The following HDLBP variants were observed in gnomAD, a reference collection of about 807,000 sequenced individuals.
HDLBP encodes high density lipoprotein binding protein.
HDLBP carries 30 observed loss-of-function variants against 137.3 expected under a neutral mutation model. The ratio of observed to expected loss-of-function variants is 0.22; its 90% CI spans 0.16 to 0.30. HDLBP has a LOEUF of 0.30. Ranked by LOEUF, HDLBP falls within the 10% of genes least tolerant of loss-of-function variation. The probability of loss-of-function intolerance (pLI) is 1.00; values close to 1 mark genes in which losing one functional copy is unlikely to be tolerated. For synonymous variants in HDLBP, 606 were observed against 596.0 expected, an observed-to-expected ratio of 1.02 and a Z score of -0.24; for missense variants, 1,119 against 1,667.3, an observed-to-expected ratio of 0.67 and a Z score of 5.73.
At position 241,240,929 on chromosome 2, in the gene HDLBP, A is replaced by G. The variant is rs1177112513; in HGVS notation, c.2170-807T>C. 1.3e-5 allele frequency among the ~76,000 whole-genome samples: 2 copies of G among 152,128 alleles called. No individual in the cohort carries two copies. The highest frequency in any genetic ancestry group is 2.9e-5 in the Non-Finnish European group (2 of 68,012). On this transcript the variant is annotated intron_variant, in intron 17 of 27. Transcript: ENST00000310931. This position sits in a 1 kb window ranked among gnomAD's most constrained non-coding sequence, Gnocchi z 5.5. ...GCCCGCAAGCAAAAATACCAAAGAA[A>G]AACATGCTAGCACAAAAATATTAAA... is the stretch of plus-strand genomic sequence containing the variant.
In HDLBP at chr2:241,276,627, A is replaced by AG. The variant is rs1417805521; in HGVS notation, c.-102-8087dup. Among the ~76,000 whole-genome samples, 11 of 152,322 alleles carry AG rather than the reference A, an allele frequency of 7.2e-5. No homozygotes were observed. The East Asian group carries it at 2.1e-3, about 29-fold the overall frequency. ...TAGGCTGAAATAAAGAGATGGAAGA[A>AG]GTACTCCGAGCAAATACTAACCATA... On this transcript the variant is annotated intron_variant, in intron 1 of 27. Coordinates refer to ENST00000310931, the MANE Select transcript of HDLBP (RefSeq NM_005336.6).
intron 11 of HDLBP, chr2:241,250,950 G>T (rs2072094455): frequency 6.6e-6 from 1 of 152,142 alleles, no homozygotes; most frequent in Non-Finnish European, 1.5e-5. Context: ...ATTAATGTTA[G>T]ATTTACACTA....
At chr2:241,287,901 A>G (rs371664342) in intron 1 of HDLBP, among the ~76,000 whole-genome samples, 5 of 152,370 alleles carry the variant, frequency 3.3e-5, no homozygotes, top group African/African-American at 1.2e-4. Context: ...ATGGACTTGA[A>G]AAGACAATTC....
Position 241,312,332 on chromosome 2 carries a change from T to C in HDLBP, c.-103+3238A>G, listed in dbSNP as rs190151599. Among the ~76,000 whole-genome samples the C allele has an allele frequency of 9.4e-4, 143 of 152,336 alleles. No homozygotes were observed. The East Asian group carries it at 0.02, about 22-fold the overall frequency. Reference sequence around the variant, plus strand: ...ATTCGAGGAACTTCAGTGTGCTTGGTAAAACAATAGCCTACTAGGGATTTC... The same window carrying C: ...ATTCGAGGAACTTCAGTGTGCTTGGCAAAACAATAGCCTACTAGGGATTTC... On this transcript the variant is annotated intron_variant, in intron 1 of 27. Coordinates refer to ENST00000310931, the MANE Select transcript of HDLBP (RefSeq NM_005336.6).
chr2:241,254,585 C>T (rs373346710), intron 9 of HDLBP, among the ~76,000 whole-genome samples: 34 of 151,490 alleles, frequency 2.2e-4, no homozygotes, highest in African/African-American at 8.0e-4. Context: ...CCCGGGTTCA[C>T]GCCATTCTCC....
intron 5 of HDLBP, among the ~76,000 whole-genome samples, chr2:241,259,153 C>G (rs1479725451): frequency 6.6e-6 from 1 of 152,138 alleles, no homozygotes; most frequent in African/African-American, 2.4e-5. Context: ...AGAAAAATCA[C>G]TACTTACTGA....
intron 5 of HDLBP, among the ~76,000 whole-genome samples, chr2:241,261,762 C>G (rs2073207809): frequency 6.6e-6 from 1 of 152,196 alleles, no homozygotes; most frequent in Non-Finnish European, 1.5e-5. Flanking sequence ...CCGATGCCCC[C>G]ATGTGGTTAA....
chr2:241,264,919 T>C (rs1356026784), intron 3 of HDLBP, among the ~76,000 whole-genome samples: 1 of 152,064 alleles, frequency 6.6e-6, no homozygotes, highest in African/African-American at 2.4e-5. Flanking sequence ...CCTAACGGGG[T>C]GAGTCCCTTG....
chr2:241,236,660 G>GA lies in HDLBP; in HGVS notation c.2858dup (p.Ser954LeufsTer8). The stretch of plus-strand genomic sequence containing the variant: ...CCTCACACTTTTCTTTCCGGCCAGA[G>GA]ATGATGATGATGTCACACCTCCTTG... On this transcript the variant is annotated frameshift_variant, in exon 21 of 28. Coordinates refer to ENST00000310931, the MANE Select transcript of HDLBP (RefSeq NM_005336.6). LOFTEE classifies it high-confidence loss of function. 1 of 1,613,950 alleles carries GA rather than the reference G, an allele frequency of 6.2e-7. No homozygotes were observed. The highest frequency in any genetic ancestry group is 8.5e-7 in the Non-Finnish European group (1 of 1,179,862).
chr2:241,265,027 C>G (rs2073543122), intron 3 of HDLBP, among the ~76,000 whole-genome samples: 1 of 152,216 alleles, frequency 6.6e-6, no homozygotes, highest in Non-Finnish European at 1.5e-5. Context: ...AGAGCAGACC[C>G]CTGCATTTGC....
At chr2:241,229,783 TGCCC>T in intron 27 of HDLBP, 46 bp downstream of exon 27, 2 of 1,524,584 alleles carry the variant, frequency 1.3e-6, no homozygotes, top group Non-Finnish European at 1.8e-6. Context: ...CAAGCCCGCC[TGCCC>T]GCCCACCCTC....
intron 1 of HDLBP, among the ~76,000 whole-genome samples, chr2:241,304,835 G>A (rs1436101448): frequency 1.3e-5 from 2 of 152,164 alleles, no homozygotes; most frequent in African/African-American, 2.4e-5. Context: ...CTGTCAAGAT[G>A]GAATGTTTAA....
intron 1 of HDLBP, among the ~76,000 whole-genome samples, chr2:241,300,171 C>A (rs1430797613): frequency 6.6e-5 from 10 of 152,116 alleles, no homozygotes; most frequent in Non-Finnish European, 1.5e-4. Context: ...AGCAGCACAT[C>A]CCAAACAACT....
intron 1 of HDLBP, among the ~76,000 whole-genome samples, chr2:241,313,354 A>G (rs2075812645): frequency 6.6e-6 from 1 of 152,118 alleles, no homozygotes; most frequent in African/African-American, 2.4e-5. Context: ...ATCTCGGCTC[A>G]CTGCAACCTC....
chr2:241,236,609 A>C lies in HDLBP; in HGVS notation c.2904+6T>G, dbSNP rs368127931. On this transcript the variant is annotated splice_donor_region_variant and intron_variant, in intron 21 of 27. Transcript: ENST00000310931. ...GGGGGGTGGAGGGGGGCACATGGAC[A>C]CATACCTCCAGAGCTTCCTTGGCAG... 4 of 1,613,586 alleles carry C rather than the reference A, an allele frequency of 2.5e-6. No homozygotes were observed. The African/African-American group carries it at 5.3e-5, about 22-fold the overall frequency.
intron 12 of HDLBP, chr2:241,249,511 G>A: frequency 3.9e-6 from 2 of 515,458 alleles, no homozygotes; most frequent in Non-Finnish European, 7.8e-6. Flanking sequence ...AACCACCTGG[G>A]ATGCCTTTGA....
intron 1 of HDLBP, among the ~76,000 whole-genome samples, chr2:241,306,988 C>T (rs4234101): frequency 3.3e-5 from 1 of 30,700 alleles, no homozygotes. Context: ...AAAAAAAAAA[C>T]GAGGAAAAGC....
Position 241,266,920 on chromosome 2 carries a change from G to C in HDLBP, c.-37-14C>G. ...CCGGGAAAACCACTAAAGCAAAGAA[G>C]AATAAATCAGAAGTCAAAGTACAAC... On this transcript the variant is annotated splice_polypyrimidine_tract_variant and intron_variant, in intron 2 of 27. Transcript: ENST00000310931. 6.4e-7 allele frequency: 1 copy of C among 1,567,138 alleles called. No individual in the cohort carries two copies. The highest frequency in any genetic ancestry group is 8.8e-7 in the Non-Finnish European group (1 of 1,137,146).
At chr2:241,309,845 A>C (rs979576255) in intron 1 of HDLBP, among the ~76,000 whole-genome samples, 4 of 152,232 alleles carry the variant, frequency 2.6e-5, no homozygotes, top group African/African-American at 4.8e-5. Context: ...TCACTTGGCC[A>C]CTCAGCCAGG....
Sources: allele counts gnomAD v4.1 joint callset (sites outside exome capture counted in the v4.1 genomes callset), GRCh38; gene constraint gnomAD v4.1.1; non-coding constraint Gnocchi (gnomAD v3.1); transcripts MANE v1.5; gene names NCBI Gene and HGNC (gene_info 2026-07-23, HGNC 2026-07-21).